The following SUMF1 variants were observed in gnomAD, a reference collection of about 807,000 sequenced individuals.
SUMF1 encodes sulfatase modifying factor 1, also known as formylglycine-generating enzyme.
In SUMF1, 48 loss-of-function variants were observed where a neutral mutation model predicts 47.6. That is an observed-to-expected ratio of 1.01 (90% CI 0.80 to 1.28). The LOEUF (loss-of-function observed/expected upper bound fraction) is 1.28, where lower values mean the gene tolerates loss of function less well. Ranked by LOEUF, SUMF1 falls within the 50% of genes most tolerant of loss-of-function variation. SUMF1 has a pLI of 0.00. For missense variants in SUMF1, 571 were observed against 485.4 expected (o/e 1.18, Z -1.66); for synonymous variants, 230 against 192.1 (o/e 1.20, Z -1.63).
chr3:4,442,730 T>G (rs1414355023), intron 3 of SUMF1, among the ~76,000 whole-genome samples: 1 of 150,906 alleles, frequency 6.6e-6, no homozygotes, highest in Non-Finnish European at 1.5e-5. Flanking sequence ...GGCCATCGTT[T>G]AAACACTATG....
chr3:4,218,069 G>A, intron 8 of SUMF1, among the ~76,000 whole-genome samples: 1 of 151,910 alleles, frequency 6.6e-6, no homozygotes, highest in East Asian at 1.9e-4. Context: ...AGGAGGGAAG[G>A]ATTTCTCAGA....
At chr3:4,440,737 C>G (rs573216634) in intron 3 of SUMF1, among the ~76,000 whole-genome samples, 2 of 152,318 alleles carry the variant, frequency 1.3e-5, no homozygotes, top group East Asian at 1.9e-4. Flanking sequence ...CTTAAAATAG[C>G]CTACTCCTCT....
At chr3:4,326,153 C>T (rs1187521700) in intron 8 of SUMF1, among the ~76,000 whole-genome samples, 2 of 152,164 alleles carry the variant, frequency 1.3e-5, no homozygotes, top group Non-Finnish European at 2.9e-5. Context: ...TTCTCTCAAT[C>T]CTTTATTTTT....
intron 8 of SUMF1, chr3:4,316,346 A>C: frequency 6.8e-7 from 1 of 1,460,086 alleles, no homozygotes; most frequent in East Asian, 2.5e-5. Context: ...ACGAACGTAC[A>C]GTGCAGTGGT....
Position 4,321,675 on chromosome 3 carries a change from A to C in SUMF1, c.1014+54655T>G, listed in dbSNP as rs575469196. 3.3e-5 allele frequency among the ~76,000 whole-genome samples: 5 copies of C among 152,264 alleles called. No homozygotes were observed. In the South Asian group the frequency reaches 1.0e-3, roughly 32 times the overall value. ...ATATAAATAAATGATTGAATCAATAAATAAATGGGGTAAAGACAAATCTAA... is the reference window on the plus strand; with the variant it reads ...ATATAAATAAATGATTGAATCAATACATAAATGGGGTAAAGACAAATCTAA... On this transcript the variant is annotated intron_variant and NMD_transcript_variant, in intron 8 of 12. Coordinates refer to the SUMF1 transcript ENST00000448413.
intron 8 of SUMF1, among the ~76,000 whole-genome samples, chr3:4,077,906 A>C (rs1692474712): frequency 6.6e-6 from 1 of 152,138 alleles, no homozygotes; most frequent in Non-Finnish European, 1.5e-5. Context: ...ATAGTAAGTA[A>C]AAAGACCATG....
At chr3:4,278,389 G>A (rs962801662) in intron 8 of SUMF1, among the ~76,000 whole-genome samples, 3 of 151,944 alleles carry the variant, frequency 2.0e-5, no homozygotes, top group African/African-American at 7.3e-5. Context: ...TTTAATGAAA[G>A]GTCATTTAAA....
At chr3:4,314,673 G>A (rs1232525854) in intron 8 of SUMF1, among the ~76,000 whole-genome samples, 1 of 152,074 alleles carries the variant, frequency 6.6e-6, no homozygotes, top group African/African-American at 2.4e-5. Context: ...AAATAACCCT[G>A]TCCACACCAC....
At chr3:4,402,564 G>A (rs912319343) in intron 7 of SUMF1, among the ~76,000 whole-genome samples, 9 of 152,184 alleles carry the variant, frequency 5.9e-5, no homozygotes, top group African/African-American at 2.2e-4. Context: ...TGACTCCAGT[G>A]CTACAGGGCT....
At chr3:4,118,846 T>C (rs1693476806) in intron 8 of SUMF1, among the ~76,000 whole-genome samples, 2 of 152,156 alleles carry the variant, frequency 1.3e-5, no homozygotes, top group African/African-American at 2.4e-5. Context: ...ATAAAACTTT[T>C]ATGTCCCATC....
chr3:4,307,133 A>C (rs1698219598), intron 8 of SUMF1, among the ~76,000 whole-genome samples: 1 of 152,214 alleles, frequency 6.6e-6, no homozygotes, highest in South Asian at 2.1e-4. Context: ...AAAAGGAATG[A>C]AGATTTTCAC....
chr3:4,350,323 G>A (rs945873241), intron 8 of SUMF1, among the ~76,000 whole-genome samples: 4 of 134,612 alleles, frequency 3.0e-5, no homozygotes, highest in African/African-American at 9.6e-5. Context: ...CTTTCTGTGT[G>A]TGTATATGCG....
intron 8 of SUMF1, among the ~76,000 whole-genome samples, chr3:4,193,774 C>T (rs1695372359): frequency 6.6e-6 from 1 of 151,960 alleles, no homozygotes; most frequent in South Asian, 2.1e-4. Context: ...ACTATTTTAC[C>T]ATCTGGGTGA....
Position 4,136,319 on chromosome 3 carries a change from C to T in SUMF1, c.1015-67574G>A, listed in dbSNP as rs370125983. On this transcript the variant is annotated intron_variant and NMD_transcript_variant, in intron 8 of 12. Coordinates refer to the SUMF1 transcript ENST00000448413. ...TAGAGCCCTCAGAAATAATACCACA[C>T]ATCTACAACCATCTGATCTTTGACA... 1.7e-4 allele frequency among the ~76,000 whole-genome samples: 26 copies of T among 152,152 alleles called. 2 individuals are homozygous for T. In the South Asian group the frequency reaches 4.6e-3, roughly 27 times the overall value.
At chr3:4,313,519 T>C in intron 8 of SUMF1, 1 of 1,614,024 alleles carries the variant, frequency 6.2e-7, no homozygotes, top group Non-Finnish European at 8.5e-7. Flanking sequence ...AGAACTCTCT[T>C]ATGATTATTC....
At chr3:4,156,439 T>A (rs963852291) in intron 8 of SUMF1, among the ~76,000 whole-genome samples, 1 of 151,566 alleles carries the variant, frequency 6.6e-6, no homozygotes, top group Non-Finnish European at 1.5e-5. Context: ...TCTGGTTTGT[T>A]CCCCACTATA....
intron 8 of SUMF1, among the ~76,000 whole-genome samples, chr3:4,086,406 T>A (rs1304614193): frequency 1.3e-5 from 2 of 152,038 alleles, no homozygotes; most frequent in Non-Finnish European, 2.9e-5. Flanking sequence ...AGAGGTTGGG[T>A]TAGATAATAT....
chr3:4,107,502 T>C (rs560420315), intron 8 of SUMF1, among the ~76,000 whole-genome samples: 1 of 152,250 alleles, frequency 6.6e-6, no homozygotes, highest in East Asian at 1.9e-4. Context: ...ATCAGTACTA[T>C]CCTGCCTAGC....
intron 8 of SUMF1, among the ~76,000 whole-genome samples, chr3:4,118,998 A>G (rs1693480455): frequency 6.6e-6 from 1 of 152,106 alleles, no homozygotes; most frequent in Non-Finnish European, 1.5e-5. Flanking sequence ...GATGTCCTAC[A>G]AACACCTCAA....
Sources: gnomAD v4.1 joint callset for allele counts (sites outside exome capture counted in the v4.1 genomes callset) on GRCh38, gnomAD v4.1.1 for gene constraint, MANE v1.5 for transcripts, NCBI Gene and HGNC (gene_info 2026-07-23, HGNC 2026-07-21) for gene names.